Variants in NRP1 observed in about 807,000 individuals in gnomAD.
The protein encoded by NRP1 is neuropilin 1.
NRP1 carries 35 observed loss-of-function variants against 106.7 expected under a neutral mutation model. The observed-to-expected ratio is 0.33, with a 90% CI of 0.25 to 0.43. The LOEUF (loss-of-function observed/expected upper bound fraction) is 0.43, where lower values mean the gene tolerates loss of function less well. NRP1 is among the 20% of genes least tolerant of loss of function. The probability of loss-of-function intolerance (pLI) is 1.00; values close to 1 mark genes in which losing one functional copy is unlikely to be tolerated. For missense variants in NRP1, 1,024 were observed against 1,170.4 expected (o/e 0.87, Z 1.83); for synonymous variants, 437 against 417.9 (o/e 1.05, Z -0.56).
chr10:33,283,637 G>T (rs1844302546), intron 2 of NRP1, among the ~76,000 whole-genome samples: 1 of 152,136 alleles, frequency 6.6e-6, no homozygotes. Context: ...TCTTTTCACT[G>T]ATTTGCCTTA....
At chr10:33,210,631 C>T (rs1266618117) in intron 9 of NRP1, among the ~76,000 whole-genome samples, 1 of 152,196 alleles carries the variant, frequency 6.6e-6, no homozygotes, top group Non-Finnish European at 1.5e-5. Context: ...TTTCGACCTT[C>T]TCTCTGTTGC....
chr10:33,301,026 C>G (rs1422184792), intron 2 of NRP1, among the ~76,000 whole-genome samples: 1 of 152,206 alleles, frequency 6.6e-6, no homozygotes, highest in African/African-American at 2.4e-5. Context: ...GGCTGCACCC[C>G]TTTCCATGGG....
intron 2 of NRP1, among the ~76,000 whole-genome samples, chr10:33,320,000 C>T (rs1588989081): frequency 1.3e-5 from 2 of 150,462 alleles, no homozygotes; most frequent in Non-Finnish European, 3.0e-5. Flanking sequence ...CACAAGGGGG[C>T]GCGCGGGGCA....
intron 9 of NRP1, among the ~76,000 whole-genome samples, chr10:33,208,810 C>T (rs1408114867): frequency 6.6e-6 from 1 of 151,420 alleles, no homozygotes; most frequent in African/African-American, 2.4e-5. Flanking sequence ...TATATAGAAC[C>T]TAATCTATGA....
intron 8 of NRP1, among the ~76,000 whole-genome samples, chr10:33,220,794 A>G (rs1839171019): frequency 6.7e-6 from 1 of 148,428 alleles, no homozygotes; most frequent in African/African-American, 2.5e-5. Flanking sequence ...CCAGCTACTC[A>G]GGAGGCTGAA....
chr10:33,301,804 C>A (rs1467657852), intron 2 of NRP1, among the ~76,000 whole-genome samples: 1 of 151,984 alleles, frequency 6.6e-6, no homozygotes, highest in African/African-American at 2.4e-5. Context: ...TTGAGCGATT[C>A]GTTTTTTAAA....
chr10:33,242,755 C>T (rs1712520475), intron 6 of NRP1, among the ~76,000 whole-genome samples: 1 of 152,118 alleles, frequency 6.6e-6, no homozygotes, highest in Non-Finnish European at 1.5e-5. Context: ...CTACCTGGGT[C>T]TTGGTCTTTT....
Position 33,270,742 on chromosome 10 carries a change from G to A in NRP1, c.363C>T (p.Ile121=), listed in dbSNP as rs757083105. The part of the protein sequence containing the change: ...PVVSSGPFLF[I]KFVSDYETHG... ...GTGTTTCGTAGTCAGAGACAAATTT[G>A]ATAAAAAGAAATGGCCCTGAAGACA... Residue 121 remains isoleucine (I), a synonymous_variant, in exon 3 of 17, where the codon ATC becomes ATT. Transcript: ENST00000374867. 1.2e-6 allele frequency: 2 copies of A among 1,613,946 alleles called. No homozygotes were observed. The highest frequency in any genetic ancestry group is 3.3e-5 in the Admixed American group (2 of 59,988).
chr10:33,195,569 T>C (rs1343278833), intron 12 of NRP1: 3 of 533,302 alleles, frequency 5.6e-6, no homozygotes, highest in Admixed American at 3.9e-5. Flanking sequence ...GCTTGAAGAA[T>C]CTGGAGCCTG....
At chr10:33,268,640 G>C (rs1036558007) in intron 3 of NRP1, among the ~76,000 whole-genome samples, 2 of 152,128 alleles carry the variant, frequency 1.3e-5, no homozygotes, top group Non-Finnish European at 2.9e-5. Flanking sequence ...AGATCTCTAA[G>C]AAAACTGAAA....
Position 33,180,352 on chromosome 10 carries a change from T to A in NRP1, c.2496A>T (p.Gly832=). The A allele has an allele frequency of 6.3e-7, 1 of 1,599,378 alleles. No individual in the cohort carries two copies. The highest frequency in any genetic ancestry group is 8.6e-7 in the Non-Finnish European group (1 of 1,169,072). The change falls in exon 17 of 17, where the codon GGA becomes GGT. Residue 832 remains glycine, a synonymous_variant. Transcript: ENST00000374867. Reference sequence around the variant, plus strand: ...TGTCACCTTCTCCTTCACCTTCGTATCCTGGCGTGCTCCCTATGGAAAAAA... The same window carrying A: ...TGTCACCTTCTCCTTCACCTTCGTAACCTGGCGTGCTCCCTATGGAAAAAA... ...IKIDETGSTP[G]YEGEGEGDKN... is the part of the protein sequence containing the mutation.
chr10:33,307,396 C>T (rs1476571404), intron 2 of NRP1, among the ~76,000 whole-genome samples: 2 of 152,128 alleles, frequency 1.3e-5, no homozygotes, highest in Non-Finnish European at 2.9e-5. Context: ...GAGATTGAGG[C>T]TGTCTTGCAT....
intron 3 of NRP1, among the ~76,000 whole-genome samples, chr10:33,269,156 C>T (rs2133285229): frequency 6.6e-6 from 1 of 152,296 alleles, no homozygotes; most frequent in African/African-American, 2.4e-5. Context: ...GTTTTCTATA[C>T]ATTAATGCCA....
At chr10:33,299,476 T>C (rs552705400) in intron 2 of NRP1, among the ~76,000 whole-genome samples, 125 of 152,230 alleles carry the variant, frequency 8.2e-4, no homozygotes, top group African/African-American at 2.8e-3. Context: ...TAGGTATTTT[T>C]TGAAAAAATT....
intron 2 of NRP1, among the ~76,000 whole-genome samples, chr10:33,328,551 T>C (rs941536661): frequency 1.3e-5 from 2 of 152,208 alleles, no homozygotes; most frequent in African/African-American, 2.4e-5. Context: ...TATGTGCAAA[T>C]AGAATTGTAA....
chr10:33,316,803 T>G (rs955929886), intron 2 of NRP1, among the ~76,000 whole-genome samples: 2 of 152,220 alleles, frequency 1.3e-5, no homozygotes, highest in African/African-American at 4.8e-5. Context: ...TTTGAAGCAT[T>G]AGAAGAGCCA....
intron 15 of NRP1, among the ~76,000 whole-genome samples, chr10:33,184,051 G>C (rs892289929): frequency 6.6e-6 from 1 of 151,782 alleles, no homozygotes; most frequent in African/African-American, 2.4e-5. Flanking sequence ...TTGCTCTGTG[G>C]CCTAGGCTGG....
chr10:33,298,599 G>A (rs1564466810), intron 2 of NRP1, among the ~76,000 whole-genome samples: 1 of 152,182 alleles, frequency 6.6e-6, no homozygotes, highest in South Asian at 2.1e-4. Flanking sequence ...TCATAATTCT[G>A]TATCTGGCCA....
intron 10 of NRP1, among the ~76,000 whole-genome samples, chr10:33,207,351 G>T (rs755025167): frequency 1.3e-5 from 2 of 150,778 alleles, no homozygotes; most frequent in South Asian, 4.2e-4. Context: ...CATATAATCC[G>T]AGGAGAGTCA....
Sources: allele counts gnomAD v4.1 joint callset (sites outside exome capture counted in the v4.1 genomes callset), GRCh38; gene constraint gnomAD v4.1.1; transcripts MANE v1.5; gene names NCBI Gene and HGNC (gene_info 2026-07-23, HGNC 2026-07-21).